Variants in PLEKHG3 observed in about 807,000 individuals in gnomAD.
PLEKHG3 encodes the protein pleckstrin homology and RhoGEF domain containing G3.
In PLEKHG3, 62 loss-of-function variants were observed where a neutral mutation model predicts 94.9. That is an observed-to-expected ratio of 0.65 (90% CI 0.53 to 0.81). The LOEUF (loss-of-function observed/expected upper bound fraction) is 0.81. PLEKHG3 is among the 30% of genes least tolerant of loss of function. PLEKHG3 has a pLI of 0.00. For missense variants in PLEKHG3, 1,461 were observed against 1,619.3 expected (o/e 0.90, Z 1.68); for synonymous variants, 614 against 654.0 (o/e 0.94, Z 0.93).
rs34353769 is a variant in PLEKHG3, at chr14:64,748,936, CTT to C, written c.*5250_*5251del. ...AGAACCCCATCAGCCTTCTCCAGCT[CTT>C]TTTTTTTTTTTTTTTTGGTTGGGGG... On this transcript the variant is annotated 3_prime_UTR_variant, in exon 17 of 17. Coordinates refer to ENST00000247226, the MANE Select transcript of PLEKHG3 (RefSeq NM_001308147.2). 0.01 allele frequency: 1,322 copies of C among 128,666 alleles called. No homozygotes were observed. Among genetic ancestry groups the C allele is most frequent in the Middle Eastern group, 0.033 (8 of 242 alleles). 8.0% of individuals were successfully genotyped at this position (128,666 alleles called of 1,614,324 possible).
In PLEKHG3 at chr14:64,732,315, G is replaced by C. The variant is rs114393302; in HGVS notation, c.1213-112G>C. On this transcript the variant is annotated intron_variant, in intron 10 of 16. Coordinates refer to ENST00000247226, the MANE Select transcript of PLEKHG3 (RefSeq NM_001308147.2). This position sits in a 1 kb window ranked among gnomAD's most constrained non-coding sequence, Gnocchi z 4.9. ...TGAGTGTCAGTACAGCAGATGCCCC[G>C]GGCCTTGGTGCAGCACTGTGGGGTG... 682 of 1,236,302 alleles carry C rather than the reference G, an allele frequency of 5.5e-4. 8 individuals carry two copies. Among genetic ancestry groups the C allele is most frequent in the East Asian group, 9.3e-4 (40 of 43,142 alleles). The allele number at this position is 1,236,302 out of a possible 1,614,324, so 76.6% of individuals were successfully genotyped here.
chr14:64,713,735 C>T (rs946559683), intron 1 of PLEKHG3, among the ~76,000 whole-genome samples: 44 of 152,098 alleles, frequency 2.9e-4, no homozygotes, highest in African/African-American at 1.0e-3. Flanking sequence ...TATACATTAT[C>T]TCTTTGAAAT....
At chr14:64,714,652 C>A (rs1220701128) in intron 1 of PLEKHG3, among the ~76,000 whole-genome samples, 1 of 152,194 alleles carries the variant, frequency 6.6e-6, no homozygotes, top group Non-Finnish European at 1.5e-5. Context: ...CTTCTTTTCA[C>A]ACAGGAAGTC....
Position 64,738,643 on chromosome 14 carries a change from C to T in PLEKHG3, c.1405-99C>T. 1.1e-6 allele frequency: 1 copy of T among 880,038 alleles called. No individual in the cohort carries two copies. The allele number at this position is 880,038 out of a possible 1,614,324, so 54.5% of individuals were successfully genotyped here. The stretch of plus-strand genomic sequence containing the variant: ...GTCCAAGACTGGCTCTCAGCTCAGC[C>T]CAGCCCCTTGGGGCGTGGGAGGCAC... On this transcript the variant is annotated intron_variant, in intron 14 of 16. Coordinates refer to ENST00000247226, the MANE Select transcript of PLEKHG3 (RefSeq NM_001308147.2). This position sits in a 1 kb window ranked among gnomAD's most constrained non-coding sequence, Gnocchi z 4.8.
chr14:64,710,252 T>C (rs752636517), intron 1 of PLEKHG3, among the ~76,000 whole-genome samples: 5 of 152,232 alleles, frequency 3.3e-5, no homozygotes, highest in Non-Finnish European at 7.3e-5. Context: ...TATTTGCATG[T>C]AGCCAAGAAG....
At position 64,747,545 on chromosome 14, in the gene PLEKHG3, C is replaced by T. The variant is rs2081866254; in HGVS notation, c.*3842C>T. The T allele has an allele frequency of 6.6e-6, 1 of 152,548 alleles. No individual in the cohort carries two copies. Among genetic ancestry groups the T allele is most frequent in the Admixed American group, 6.5e-5 (1 of 15,280 alleles). The allele number at this position is 152,548 out of a possible 1,614,324, so 9.4% of individuals were successfully genotyped here. On this transcript the variant is annotated 3_prime_UTR_variant, in exon 17 of 17. Coordinates refer to ENST00000247226, the MANE Select transcript of PLEKHG3 (RefSeq NM_001308147.2). Reference sequence around the variant, plus strand: ...ACGTCTTCCTTCCTGTGGCTCCTGCCTGCTGCAGTTGGTGTCACCCTGACA... The same window carrying T: ...ACGTCTTCCTTCCTGTGGCTCCTGCTTGCTGCAGTTGGTGTCACCCTGACA...
In PLEKHG3 at chr14:64,717,520, G is replaced by A. The variant is rs961663088; in HGVS notation, c.-39-10073G>A. Reference sequence around the variant, plus strand: ...CCCCCAGCCCAGTTGAGAGCTGCTGGCCTGAAATTCCTCTGAGAGATTTCT... The same window carrying A: ...CCCCCAGCCCAGTTGAGAGCTGCTGACCTGAAATTCCTCTGAGAGATTTCT... On this transcript the variant is annotated intron_variant, in intron 1 of 16. Transcript: ENST00000247226. The surrounding 1 kb of genome is among the most constrained non-coding windows in gnomAD (Gnocchi z 4.7). 8.5e-5 allele frequency among the ~76,000 whole-genome samples: 13 copies of A among 152,180 alleles called. No homozygotes were observed. The highest frequency in any genetic ancestry group is 2.9e-4 in the African/African-American group (12 of 41,430).
rs750243093 is a variant in PLEKHG3, at chr14:64,743,360, G to A, written c.3317G>A (p.Gly1106Asp). The change falls in exon 17 of 17, where the codon GGC becomes GAC. Residue 1106 changes from glycine to aspartate, a missense_variant. Physicochemically the swap from Gly to Asp is moderately conservative, Grantham distance 94 (BLOSUM62 -1). Coordinates refer to ENST00000247226, the MANE Select transcript of PLEKHG3 (RefSeq NM_001308147.2). The surrounding 1 kb of genome is among the most constrained non-coding windows in gnomAD (Gnocchi z 7.2). The stretch of plus-strand genomic sequence containing the variant: ...TGCCGCAGCCTGAGCACCAAGAGGG[G>A]CCGGGGAGGCGGAGAGGCTGCCCAA... ...GRCRSLSTKRGRGGGEAAQSP... is the reference protein window; with the variant it reads ...GRCRSLSTKRDRGGGEAAQSP... 2.5e-6 allele frequency: 4 copies of A among 1,607,634 alleles called. No individual in the cohort carries two copies. The highest frequency in any genetic ancestry group is 3.3e-5 in the Admixed American group (2 of 59,784).
chr14:64,716,496 A>C lies in PLEKHG3; in HGVS notation c.-39-11097A>C, dbSNP rs10147282. On this transcript the variant is annotated intron_variant, in intron 1 of 16. Transcript: ENST00000247226. This position sits in a 1 kb window ranked among gnomAD's most constrained non-coding sequence, Gnocchi z 5.0. ...ACACACACACAACACACACACACAC[A>C]ACACACACACACACACACACACACA... 3.1e-4 allele frequency among the ~76,000 whole-genome samples: 25 copies of C among 79,544 alleles called. No individual in the cohort carries two copies. The highest frequency in any genetic ancestry group is 2.0e-3 in the South Asian group (3 of 1,514). The allele number at this position is 79,544 out of a possible 152,430, so 52.2% of individuals were successfully genotyped here. A position where few individuals can be genotyped will look rare whatever the true frequency, so the allele number is the denominator to read the frequency against.
Position 64,717,277 on chromosome 14 carries a change from G to A in PLEKHG3, c.-39-10316G>A, listed in dbSNP as rs1008864192. ...GCTCTTCTCTTGCTGTATCACCTTC[G>A]AAGAAGAGGCGAGGCCTGAGGGAGG... On this transcript the variant is annotated intron_variant, in intron 1 of 16. Coordinates refer to ENST00000247226, the MANE Select transcript of PLEKHG3 (RefSeq NM_001308147.2). The surrounding 1 kb of genome is among the most constrained non-coding windows in gnomAD (Gnocchi z 4.7). Among the ~76,000 whole-genome samples, 6 of 152,170 alleles carry A rather than the reference G, an allele frequency of 3.9e-5. No individual in the cohort carries two copies. The highest frequency in any genetic ancestry group is 1.4e-4 in the African/African-American group (6 of 41,436).
In PLEKHG3 at chr14:64,730,106, T is replaced by G. The variant is rs924448103; in HGVS notation, c.450-137T>G. On this transcript the variant is annotated intron_variant, in intron 3 of 16. Transcript: ENST00000247226. This position sits in a 1 kb window ranked among gnomAD's most constrained non-coding sequence, Gnocchi z 5.4. ...TTGCTGCCTGGGGCAGGACTCCCTCTGAGGCTAGAAGCCCCAGTTCTTTAG... is the reference window on the plus strand; with the variant it reads ...TTGCTGCCTGGGGCAGGACTCCCTCGGAGGCTAGAAGCCCCAGTTCTTTAG... The G allele has an allele frequency of 5.0e-6, 3 of 602,988 alleles. No homozygotes were observed. The African/African-American group carries it at 5.5e-5, about 11-fold the overall frequency. 37.4% of individuals were successfully genotyped at this position (602,988 alleles called of 1,614,324 possible).
At position 64,730,606 on chromosome 14, in the gene PLEKHG3, A is replaced by T. The variant is rs1594690647; in HGVS notation, c.520-36A>T. The T allele has an allele frequency of 6.4e-7, 1 of 1,562,692 alleles. No individual in the cohort carries two copies. Reference sequence around the variant, plus strand: ...CCACCATCTTTACTGTCAAATGAGAATCTCCCTGAAATCACTATTTTTGAT... The same window carrying T: ...CCACCATCTTTACTGTCAAATGAGATTCTCCCTGAAATCACTATTTTTGAT... On this transcript the variant is annotated intron_variant, in intron 4 of 16. Transcript: ENST00000247226. This position sits in a 1 kb window ranked among gnomAD's most constrained non-coding sequence, Gnocchi z 5.4.
chr14:64,740,989 A>T, intron 15 of PLEKHG3, 47 bp from the exon 16 acceptor site: 1 of 1,470,354 alleles, frequency 6.8e-7, no homozygotes, highest in Non-Finnish European at 9.2e-7. Flanking sequence ...CCCGGATCCC[A>T]TGAAGGAGGC....
At chr14:64,719,961 A>T (rs1029439239) in intron 1 of PLEKHG3, among the ~76,000 whole-genome samples, 6 of 152,092 alleles carry the variant, frequency 3.9e-5, no homozygotes, top group African/African-American at 1.2e-4. Flanking sequence ...ATTTCTAGTA[A>T]CACCTTTTAG....
At position 64,738,001 on chromosome 14, in the gene PLEKHG3, A is replaced by G; in HGVS notation, c.1404+626A>G. On this transcript the variant is annotated intron_variant, in intron 14 of 16. Transcript: ENST00000247226. The surrounding 1 kb of genome is among the most constrained non-coding windows in gnomAD (Gnocchi z 4.8). ...GTGGAGGAGGAGGAGGAGGAGGAGG[A>G]GGAAGAGCAGGCCTTTCAGGTCTCT... The G allele has an allele frequency of 2.4e-6, 3 of 1,268,532 alleles. No individual in the cohort carries two copies. The highest frequency in any genetic ancestry group is 3.1e-6 in the Non-Finnish European group (3 of 979,666). The allele number at this position is 1,268,532 out of a possible 1,614,324, so 78.6% of individuals were successfully genotyped here.
In PLEKHG3 at chr14:64,731,214, G is replaced by A; in HGVS notation, c.849+45G>A. The A allele has an allele frequency of 2.6e-6, 4 of 1,518,112 alleles. No individual in the cohort carries two copies. The highest frequency in any genetic ancestry group is 3.6e-6 in the Non-Finnish European group (4 of 1,102,006). 94.0% of individuals were successfully genotyped at this position (1,518,112 alleles called of 1,614,324 possible). On this transcript the variant is annotated intron_variant, in intron 7 of 16. Transcript: ENST00000247226. The surrounding 1 kb of genome is among the most constrained non-coding windows in gnomAD (Gnocchi z 6.1). Reference sequence around the variant, plus strand: ...CTGGGGGAGGGGCAGGGCTGGGTGGGCCAGGCTTCCGCTGGGAAGAGGGAC... The same window carrying A: ...CTGGGGGAGGGGCAGGGCTGGGTGGACCAGGCTTCCGCTGGGAAGAGGGAC...
At position 64,731,464 on chromosome 14, in the gene PLEKHG3, G is replaced by A. The variant is rs976863782; in HGVS notation, c.953G>A (p.Arg318Lys). The A allele has an allele frequency of 1.9e-6, 3 of 1,614,122 alleles. No individual in the cohort carries two copies. Among genetic ancestry groups the A allele is most frequent in the Admixed American group, 3.3e-5 (2 of 60,030 alleles). ...CGCGTGCATCGCGTGCGCAATGAAA[G>A]GACCTTTTTCCTCTTTGACAAAACA... ...TFRVHRVRNE[R>K]TFFLFDKTLL... Residue 318 changes from arginine (R) to lysine (K), a missense_variant, in exon 8 of 17, where the codon AGG becomes AAG. By Grantham distance (26) the Arg-to-Lys change is conservative. This residue lies in a region of PLEKHG3 where 1,201 missense variants were observed against 1,295.5 expected (regional missense o/e 0.93). Transcript: ENST00000247226. This position sits in a 1 kb window ranked among gnomAD's most constrained non-coding sequence, Gnocchi z 6.1.
In PLEKHG3 at chr14:64,728,029, TTCACCCTGGG is replaced by T; in HGVS notation, c.351+48_351+57del. On this transcript the variant is annotated intron_variant, in intron 2 of 16. Transcript: ENST00000247226. The surrounding 1 kb of genome is among the most constrained non-coding windows in gnomAD (Gnocchi z 5.9). Reference sequence around the variant, plus strand: ...GCACAGTATTCTAGCAGAAGCCTGTTTCACCCTGGGAGGGAAGCTCTCAAAAGACCTGCTT... The same window carrying T: ...GCACAGTATTCTAGCAGAAGCCTGTTAGGGAAGCTCTCAAAAGACCTGCTT... The T allele has an allele frequency of 1.6e-6, 2 of 1,228,288 alleles. No homozygotes were observed. Among genetic ancestry groups the T allele is most frequent in the African/African-American group, 3.0e-5 (2 of 66,144 alleles). 76.1% of individuals were successfully genotyped at this position (1,228,288 alleles called of 1,614,324 possible). A position where few individuals can be genotyped will look rare whatever the true frequency, so the allele number is the denominator to read the frequency against.
In PLEKHG3 at chr14:64,716,199, C is replaced by A; in HGVS notation, c.-39-11394C>A. The A allele has an allele frequency of 2.7e-6, 1 of 373,740 alleles. No homozygotes were observed. 23.2% of individuals were successfully genotyped at this position (373,740 alleles called of 1,614,324 possible). On this transcript the variant is annotated intron_variant, in intron 1 of 16. Transcript: ENST00000247226. The surrounding 1 kb of genome is among the most constrained non-coding windows in gnomAD (Gnocchi z 5.0). ...GCCGGACTTCCCCCAGGAAACCCAG[C>A]CAATCACAGGCTTTAGGGTAAAAGG...
Sources: gnomAD v4.1 joint callset for allele counts (sites outside exome capture counted in the v4.1 genomes callset) on GRCh38, gnomAD v4.1.1 for gene constraint, gnomAD v4.1.1 regional missense constraint, Gnocchi (gnomAD v3.1) non-coding constraint, MANE v1.5 for transcripts, NCBI Gene and HGNC (gene_info 2026-07-23, HGNC 2026-07-21) for gene names.